EFCAB8: variants seen among roughly 807,000 people sequenced by gnomAD.
EFCAB8 encodes the protein EF-hand calcium binding domain 8.
EFCAB8 carries 100 observed loss-of-function variants against 116.3 expected under a neutral mutation model. The observed-to-expected ratio is 0.86, with a 90% CI of 0.73 to 1.02. The LOEUF is 1.02. Among genes scored for constraint, EFCAB8 ranks in the 50% least tolerant of loss-of-function variants. EFCAB8 has a pLI of 0.00. For synonymous variants in EFCAB8, 558 were observed against 567.9 expected, an observed-to-expected ratio of 0.98 and a Z score of 0.25; for missense variants, 1,320 against 1,416.9, an observed-to-expected ratio of 0.93 and a Z score of 1.10.
Position 32,928,240 on chromosome 20 carries a change from A to T in EFCAB8, c.2413-2158A>T, listed in dbSNP as rs1352192847. Reference sequence around the variant, plus strand: ...TGTATAGAAATGCAACTGATTTTTTATTTTTTTTTTTTTGAGACAGAGTCT... The same window carrying T: ...TGTATAGAAATGCAACTGATTTTTTTTTTTTTTTTTTTTGAGACAGAGTCT... On this transcript the variant is annotated intron_variant, in intron 20 of 26. Transcript: ENST00000400522. Among the ~76,000 whole-genome samples the T allele has an allele frequency of 2.4e-3, 330 of 135,460 alleles. 1 individual carries two copies. The highest frequency in any genetic ancestry group is 2.9e-3 in the Non-Finnish European group (176 of 60,644). The allele number at this position is 135,460 out of a possible 152,430, so 88.9% of individuals were successfully genotyped here. A position where few individuals can be genotyped will look rare whatever the true frequency, so the allele number is the denominator to read the frequency against.
chr20:32,882,285 C>A (rs1457418419), intron 5 of EFCAB8, among the ~76,000 whole-genome samples: 1 of 152,158 alleles, frequency 6.6e-6, no homozygotes, highest in Non-Finnish European at 1.5e-5. Flanking sequence ...AAGTGGCAGC[C>A]CTCCAAACAG....
At chr20:32,865,408 A>G (rs1446778135) in intron 2 of EFCAB8, among the ~76,000 whole-genome samples, 1 of 152,050 alleles carries the variant, frequency 6.6e-6, no homozygotes, top group African/African-American at 2.4e-5. Flanking sequence ...TTGAAACTAG[A>G]AAGATAGGTC....
At chr20:32,951,090 C>T (rs539915396) in intron 23 of EFCAB8, among the ~76,000 whole-genome samples, 5 of 152,276 alleles carry the variant, frequency 3.3e-5, no homozygotes, top group Middle Eastern at 3.4e-3. Context: ...CTCTCCTGCA[C>T]GGCTAATGGG....
At chr20:32,928,275 G>A (rs887433225) in intron 20 of EFCAB8, among the ~76,000 whole-genome samples, 3 of 149,462 alleles carry the variant, frequency 2.0e-5, no homozygotes, top group Non-Finnish European at 3.0e-5. Flanking sequence ...TTGCTCTGTC[G>A]CCCAGGCTGG....
chr20:32,890,852 G>T (rs1463603709), intron 7 of EFCAB8, among the ~76,000 whole-genome samples: 1 of 152,254 alleles, frequency 6.6e-6, no homozygotes, highest in African/African-American at 2.4e-5. Context: ...CAGGGTGAGT[G>T]TGGCTTAGTA....
At chr20:32,959,047 T>G (rs1989059694) in intron 24 of EFCAB8, among the ~76,000 whole-genome samples, 1 of 152,200 alleles carries the variant, frequency 6.6e-6, no homozygotes, top group African/African-American at 2.4e-5. Context: ...CACTGCATCT[T>G]TATTCCTGAC....
At chr20:32,870,766 T>C (rs1425042910) in intron 3 of EFCAB8, among the ~76,000 whole-genome samples, 1 of 152,148 alleles carries the variant, frequency 6.6e-6, no homozygotes, top group Non-Finnish European at 1.5e-5. Context: ...CCTCCCAAAG[T>C]GTTGGGATTA....
chr20:32,906,368 C>T (rs1986672828), intron 11 of EFCAB8, among the ~76,000 whole-genome samples, 194 bp from the exon 12 acceptor site: 2 of 152,038 alleles, frequency 1.3e-5, no homozygotes, highest in Non-Finnish European at 1.5e-5. Flanking sequence ...TGGTGCTGAG[C>T]CCTGACTTGG....
At chr20:32,879,169 C>T (rs1454594697) in intron 5 of EFCAB8, among the ~76,000 whole-genome samples, 2 of 152,174 alleles carry the variant, frequency 1.3e-5, no homozygotes, top group Non-Finnish European at 2.9e-5. Context: ...CAGAGTGGGT[C>T]TGGCAGTTTC....
rs751692972 is a variant in EFCAB8 at position 32,939,985 on chromosome 20, G to GTGCC, written c.2791-3633_2791-3630dup. 9.7e-4 allele frequency among the ~76,000 whole-genome samples: 106 copies of GTGCC among 108,960 alleles called. 9 individuals carry two copies. Among genetic ancestry groups the GTGCC allele is most frequent in the South Asian group, 7.6e-3 (26 of 3,438 alleles). The allele number at this position is 108,960 out of a possible 152,430, so 71.5% of individuals were successfully genotyped here. On this transcript the variant is annotated intron_variant, in intron 22 of 26. Transcript: ENST00000400522. The stretch of plus-strand genomic sequence containing the variant: ...GCTACGATTACAGGCATGAGCCACT[G>GTGCC]TGCCTGCCTGCCTGCCTGCCTCCCT...
chr20:32,919,988 C>T (rs1329542823), intron 19 of EFCAB8, 90 bp from the exon 20 acceptor site: 29 of 1,516,344 alleles, frequency 1.9e-5, no homozygotes, highest in East Asian at 2.5e-5. Flanking sequence ...TTGGGAGTGC[C>T]GCTCTTTTAT....
At chr20:32,871,025 G>A (rs1000702085) in intron 3 of EFCAB8, among the ~76,000 whole-genome samples, 3 of 151,624 alleles carry the variant, frequency 2.0e-5, no homozygotes, top group East Asian at 1.9e-4. Context: ...GCTAATTTTG[G>A]TATTTTCAGT....
At chr20:32,876,207 C>A (rs1984962478) in intron 4 of EFCAB8, among the ~76,000 whole-genome samples, 163 bp downstream of exon 4, 1 of 152,216 alleles carries the variant, frequency 6.6e-6, no homozygotes, top group African/African-American at 2.4e-5. Flanking sequence ...GACGTCCCTC[C>A]TAAGACCTGT....
rs763833300 is a variant in EFCAB8, at chr20:32,931,162, C to A, written c.2632-16C>A. 1 of 1,525,596 alleles carries A rather than the reference C, an allele frequency of 6.6e-7. No homozygotes were observed. Among genetic ancestry groups the A allele is most frequent in the South Asian group, 1.3e-5 (1 of 78,498 alleles). 94.5% of individuals were successfully genotyped at this position (1,525,596 alleles called of 1,614,324 possible). A position where few individuals can be genotyped will look rare whatever the true frequency, so the allele number is the denominator to read the frequency against. On this transcript the variant is annotated splice_polypyrimidine_tract_variant and intron_variant, in intron 21 of 26. Transcript: ENST00000400522. ...GTCAAGGGGTGTGAGGCCACTAACC[C>A]ACACTTTATGTCTAGATCTGGGACA...
In EFCAB8 at chr20:32,901,174, T is replaced by A. The variant is rs141205806; in HGVS notation, c.1088+2551T>A. Among the ~76,000 whole-genome samples the A allele has an allele frequency of 1.9e-3, 294 of 152,358 alleles. No homozygotes were observed. In the Middle Eastern group the frequency reaches 0.02, roughly 11 times the overall value. ...TGTGGCAGAAGTTTGCTTGGAGCTG[T>A]TTGCTGAGGCTATCTGTCTGCATTG... is the stretch of plus-strand genomic sequence containing the variant. On this transcript the variant is annotated intron_variant, in intron 11 of 26. Coordinates refer to ENST00000400522, the MANE Select transcript of EFCAB8 (RefSeq NM_001143967.2).
In EFCAB8 at chr20:32,917,510, G is replaced by A; in HGVS notation, c.2061+5G>A. 7.4e-7 allele frequency: 1 copy of A among 1,343,918 alleles called. No individual in the cohort carries two copies. The highest frequency in any genetic ancestry group is 1.2e-5 in the South Asian group (1 of 81,260). The allele number at this position is 1,343,918 out of a possible 1,614,324, so 83.2% of individuals were successfully genotyped here. A position where few individuals can be genotyped will look rare whatever the true frequency, so the allele number is the denominator to read the frequency against. On this transcript the variant is annotated splice_donor_5th_base_variant and intron_variant, in intron 18 of 26. Coordinates refer to ENST00000400522, the MANE Select transcript of EFCAB8 (RefSeq NM_001143967.2). ...TCGCCCTTGCAGCCCAAGAGGGTAT[G>A]TTAACAGGAGCACACTCTCCTCCCA...
rs888407128 is a variant in EFCAB8 at position 32,961,336 on chromosome 20, C to G, written c.3594C>G (p.Ser1198=). Residue 1198 remains serine, a synonymous_variant, in exon 27 of 27, where the codon TCC becomes TCG. Coordinates refer to ENST00000400522, the MANE Select transcript of EFCAB8 (RefSeq NM_001143967.2). ...ACAGCACGCCTGCGGCCGCCTCCTC[C>G]CCATCTTCCTTGTTATCTGTCACTG... The part of the protein sequence containing the change: ...TTDSTPAAAS[S]PSSLLSVTAS... The G allele has an allele frequency of 6.7e-7, 1 of 1,484,130 alleles. No individual in the cohort carries two copies. The highest frequency in any genetic ancestry group is 1.4e-5 in the African/African-American group (1 of 70,590). The allele number at this position is 1,484,130 out of a possible 1,614,324, so 91.9% of individuals were successfully genotyped here.
chr20:32,907,215 C>A, intron 13 of EFCAB8: 2 of 690,650 alleles, frequency 2.9e-6, no homozygotes, highest in Non-Finnish European at 1.8e-6. Context: ...GTGACCCTGG[C>A]AAGTCCTTCC....
chr20:32,920,237 A>C (rs1281796265), intron 20 of EFCAB8, 22 bp downstream of exon 20: 30 of 1,551,054 alleles, frequency 1.9e-5, no homozygotes, highest in Non-Finnish European at 2.5e-5. Flanking sequence ...TCAGCCAGGG[A>C]GAGGGATATG....
Sources: gnomAD v4.1 joint callset for allele counts (sites outside exome capture counted in the v4.1 genomes callset) on GRCh38, gnomAD v4.1.1 for gene constraint, MANE v1.5 for transcripts, NCBI Gene and HGNC (gene_info 2026-07-23, HGNC 2026-07-21) for gene names.